ZNF366: variants seen among roughly 807,000 people sequenced by gnomAD.
ZNF366 encodes the protein zinc finger protein 366, also known as dendritic cell-specific transcript protein.
Under a neutral mutation model 47.2 loss-of-function variants are expected in ZNF366, and 20 were observed. That is an observed-to-expected ratio of 0.42 (90% CI 0.30 to 0.62). The LOEUF is 0.62. ZNF366 is among the 20% of genes least tolerant of loss of function. ZNF366 has a pLI of 0.16. For missense variants in ZNF366, 987 were observed against 976.3 expected, an observed-to-expected ratio of 1.01 and a Z score of -0.15; for synonymous variants, 421 against 395.1, an observed-to-expected ratio of 1.07 and a Z score of -0.78.
intron 1 of ZNF366, 150 bp from the exon 2 acceptor site, chr5:72,461,660 T>C (rs1346292477): frequency 3.5e-6 from 4 of 1,158,486 alleles, no homozygotes; most frequent in Non-Finnish European, 4.7e-6. Context: ...CTGTTCAAAA[T>C]ATCGCTTTTC....
At chr5:72,451,914 C>T (rs1743078856) in intron 3 of ZNF366, among the ~76,000 whole-genome samples, 2 of 152,208 alleles carry the variant, frequency 1.3e-5, no homozygotes, top group South Asian at 2.1e-4. Context: ...GCACCCTTCT[C>T]CTCCCTGGTC....
At chr5:72,501,335 G>A (rs2112358500) in intron 1 of ZNF366, among the ~76,000 whole-genome samples, 1 of 152,268 alleles carries the variant, frequency 6.6e-6, no homozygotes. Flanking sequence ...TGACACTAAA[G>A]AGAGATTCTA....
Position 72,461,057 on chromosome 5 carries a change from C to T in ZNF366, c.440G>A (p.Gly147Asp), listed in dbSNP as rs771067416. The T allele has an allele frequency of 8.7e-6, 14 of 1,613,988 alleles. No individual in the cohort carries two copies. The South Asian group carries it at 1.3e-4, about 15-fold the overall frequency. ...QFYRSLEHFGGKPVKQEPIKP... is the reference protein window; with the variant it reads ...QFYRSLEHFGDKPVKQEPIKP... ...AATGGGTTCCTGCTTGACGGGCTTG[C>T]CCCCAAAGTGTTCCAGGCTGCGGTA... Residue 147 changes from glycine (G) to aspartate (D), a missense_variant, in exon 2 of 5, where the codon GGC (glycine) becomes GAC (aspartate). Physicochemically the swap from Gly to Asp is moderately conservative, Grantham distance 94 (BLOSUM62 -1). Coordinates refer to ENST00000318442, the MANE Select transcript of ZNF366 (RefSeq NM_152625.3).
At chr5:72,471,984 G>A (rs1743574240) in intron 1 of ZNF366, among the ~76,000 whole-genome samples, 1 of 152,096 alleles carries the variant, frequency 6.6e-6, no homozygotes, top group Non-Finnish European at 1.5e-5. Flanking sequence ...CTTCACCCAG[G>A]CTTTTTCTTT....
chr5:72,481,016 GA>G (rs1267914204), intron 1 of ZNF366, among the ~76,000 whole-genome samples: 1 of 152,176 alleles, frequency 6.6e-6, no homozygotes, highest in Non-Finnish European at 1.5e-5. Flanking sequence ...GGGAAATATT[GA>G]AGGACGGAAG....
Position 72,460,958 on chromosome 5 carries a change from A to T in ZNF366, c.539T>A (p.Val180Asp). ...GAAGGGGAACATGAGGCCCGGGTGG[A>T]CTTTGGGGTAGTAGGGGTAGGGCGT... ...LPTPYPYYPK[V>D]HPGLMFPFFV... The change falls in exon 2 of 5, where the codon GTC (valine) becomes GAC (aspartate). Residue 180 changes from valine (V) to aspartate (D), a missense_variant. Val to Asp is a radical substitution (Grantham distance 152). Coordinates refer to ENST00000318442, the MANE Select transcript of ZNF366 (RefSeq NM_152625.3). 1 of 1,612,252 alleles carries T rather than the reference A, an allele frequency of 6.2e-7. No individual in the cohort carries two copies. The highest frequency in any genetic ancestry group is 2.2e-5 in the East Asian group (1 of 44,798).
chr5:72,454,681 G>C (rs1414352146), intron 3 of ZNF366, among the ~76,000 whole-genome samples: 3 of 152,200 alleles, frequency 2.0e-5, no homozygotes, highest in Non-Finnish European at 4.4e-5. Context: ...TTCAGTTAAT[G>C]CTTGAAGCCC....
At chr5:72,484,265 A>C (rs1743843990) in intron 1 of ZNF366, among the ~76,000 whole-genome samples, 1 of 151,914 alleles carries the variant, frequency 6.6e-6, no homozygotes, top group South Asian at 2.1e-4. Context: ...CGGGCGGATC[A>C]CGAGGTCAGG....
At chr5:72,473,891 T>C (rs1272846613) in intron 1 of ZNF366, among the ~76,000 whole-genome samples, 3 of 152,222 alleles carry the variant, frequency 2.0e-5, no homozygotes, top group Non-Finnish European at 4.4e-5. Context: ...ACTCAGTAGA[T>C]ATCCCTTGCT....
intron 1 of ZNF366, among the ~76,000 whole-genome samples, chr5:72,483,183 T>C (rs1042022055): frequency 5.3e-5 from 8 of 152,206 alleles, no homozygotes; most frequent in African/African-American, 1.9e-4. Flanking sequence ...GTGTCAATCC[T>C]GCAAGATTGT....
At chr5:72,498,493 C>T (rs1324114337) in intron 1 of ZNF366, among the ~76,000 whole-genome samples, 1 of 152,218 alleles carries the variant, frequency 6.6e-6, no homozygotes, top group East Asian at 1.9e-4. Context: ...TACTCACATT[C>T]TCAAAACAAC....
At chr5:72,450,909 C>T (rs1743055670) in intron 3 of ZNF366, among the ~76,000 whole-genome samples, 1 of 152,180 alleles carries the variant, frequency 6.6e-6, no homozygotes, top group Admixed American at 6.5e-5. Context: ...AATCACAGTG[C>T]TCTTGGGTGG....
chr5:72,474,504 A>G (rs915848515), intron 1 of ZNF366, among the ~76,000 whole-genome samples: 1 of 152,244 alleles, frequency 6.6e-6, no homozygotes, highest in Non-Finnish European at 1.5e-5. Context: ...GTGAAAATAA[A>G]AAAGGACATC....
At position 72,440,355 on chromosome 5, in the gene ZNF366, G is replaced by A. The variant is rs1025504679; in HGVS notation, c.*3401C>T. On this transcript the variant is annotated 3_prime_UTR_variant, in exon 5 of 5. Transcript: ENST00000318442. ...AGAGAGACAGAAAGAGGAATTGAAA[G>A]GTAACATGAGGAGTAATCATAGGAA... 1.3e-5 allele frequency: 2 copies of A among 151,942 alleles called. No homozygotes were observed. The highest frequency in any genetic ancestry group is 4.8e-5 in the African/African-American group (2 of 41,364). 9.4% of individuals were successfully genotyped at this position (151,942 alleles called of 1,614,324 possible). A position where few individuals can be genotyped will look rare whatever the true frequency, so the allele number is the denominator to read the frequency against.
chr5:72,475,775 C>A (rs1295565354), intron 1 of ZNF366, among the ~76,000 whole-genome samples: 1 of 152,128 alleles, frequency 6.6e-6, no homozygotes, highest in Non-Finnish European at 1.5e-5. Flanking sequence ...GTAAGACATG[C>A]CCTCTAAGGT....
At position 72,442,694 on chromosome 5, in the gene ZNF366, C is replaced by T. The variant is rs1248000036; in HGVS notation, c.*1062G>A. ...TTTTTGAGGCAGAGTCTCACTCTGT[C>T]ACCCAGGCTGTAGTGCAGTAGCGTG... On this transcript the variant is annotated 3_prime_UTR_variant, in exon 5 of 5. Coordinates refer to ENST00000318442, the MANE Select transcript of ZNF366 (RefSeq NM_152625.3). The T allele has an allele frequency of 2.7e-5, 4 of 148,124 alleles. No homozygotes were observed. Among genetic ancestry groups the T allele is most frequent in the African/African-American group, 1.0e-4 (4 of 39,604 alleles). The allele number at this position is 148,124 out of a possible 1,614,324, so 9.2% of individuals were successfully genotyped here.
intron 1 of ZNF366, among the ~76,000 whole-genome samples, chr5:72,499,870 A>C (rs1744179788): frequency 1.3e-5 from 2 of 151,486 alleles, no homozygotes; most frequent in Non-Finnish European, 3.0e-5. Context: ...GGCTCCATCC[A>C]GGCAGAGGCC....
In ZNF366 at chr5:72,461,475, T is replaced by G. The variant is rs765453482; in HGVS notation, c.22A>C (p.Ile8Leu). The part of the protein sequence containing the change: MQKEMKM[I>L]KDEDVHFDLA... Reference sequence around the variant, plus strand: ...TCGAAATGCACATCCTCGTCTTTGATCATCTTCATTTCCTTCTGCATCCTT... The same window carrying G: ...TCGAAATGCACATCCTCGTCTTTGAGCATCTTCATTTCCTTCTGCATCCTT... Residue 8 changes from isoleucine (I) to leucine (L), a missense_variant, in exon 2 of 5, where the codon ATC becomes CTC. Ile to Leu is a conservative substitution (Grantham distance 5, BLOSUM62 2). Around this residue, in one of 3 missense-constraint regions of ZNF366, gnomAD observed 591 missense variants for 560.9 expected, o/e 1.05. Transcript: ENST00000318442. The G allele has an allele frequency of 1.3e-6, 2 of 1,568,008 alleles. No homozygotes were observed. Among genetic ancestry groups the G allele is most frequent in the Admixed American group, 3.7e-5 (2 of 54,238 alleles).
intron 1 of ZNF366, among the ~76,000 whole-genome samples, chr5:72,470,709 T>C (rs1360173452): frequency 6.6e-6 from 1 of 152,224 alleles, no homozygotes; most frequent in African/African-American, 2.4e-5. Flanking sequence ...AATTTTTCCA[T>C]TTCCGGAAGA....
Sources: gnomAD v4.1 joint callset for allele counts (sites outside exome capture counted in the v4.1 genomes callset) on GRCh38, gnomAD v4.1.1 for gene constraint, gnomAD v4.1.1 regional missense constraint, MANE v1.5 for transcripts, NCBI Gene and HGNC (gene_info 2026-07-23, HGNC 2026-07-21) for gene names.